Variants in TAFA2 observed in about 807,000 individuals in gnomAD.
TAFA2 encodes the protein TAFA chemokine like family member 2.
A neutral mutation model predicts 18.8 loss-of-function variants in TAFA2; 7 were observed. The ratio of observed to expected loss-of-function variants is 0.37; its 90% CI spans 0.21 to 0.70. The LOEUF is 0.70. TAFA2 is among the 30% of genes least tolerant of loss of function. TAFA2 has a pLI of 0.53. For missense variants in TAFA2, 122 were observed against 158.1 expected, an observed-to-expected ratio of 0.77 and a Z score of 1.23; for synonymous variants, 60 against 54.2, an observed-to-expected ratio of 1.11 and a Z score of -0.47.
intron 4 of TAFA2, among the ~76,000 whole-genome samples, chr12:61,727,624 T>C (rs1870232596): frequency 6.6e-6 from 1 of 152,094 alleles, no homozygotes. Context: ...TGTTGGTTAA[T>C]CTTGCTAATG....
chr12:61,729,646 CTTTAAG>C (rs1267686119), intron 4 of TAFA2, among the ~76,000 whole-genome samples: 2 of 151,610 alleles, frequency 1.3e-5, no homozygotes, highest in Non-Finnish European at 2.9e-5. Flanking sequence ...TTTTAAATTT[CTTTAAG>C]TTTGTTTTCA....
At chr12:62,070,557 CT>C in intron 1 of TAFA2, 1 of 152,220 alleles carries the variant, frequency 6.6e-6, no homozygotes, top group Non-Finnish European at 1.5e-5. Context: ...GTAGTTAGGG[CT>C]ACACCTAGAG....
Position 61,998,261 on chromosome 12 carries a change from A to T in TAFA2, c.-1-130835T>A, listed in dbSNP as rs1240681067. Reference sequence around the variant, plus strand: ...GTTTCAAGTGAAGCTACAAAATTACATCTTCACAGATTTCTTAAATAAGTG... The same window carrying T: ...GTTTCAAGTGAAGCTACAAAATTACTTCTTCACAGATTTCTTAAATAAGTG... On this transcript the variant is annotated intron_variant, in intron 1 of 4. Coordinates refer to ENST00000416284, the MANE Select transcript of TAFA2 (RefSeq NM_178539.5). Among the ~76,000 whole-genome samples the T allele has an allele frequency of 2.6e-5, 4 of 152,346 alleles. No homozygotes were observed. In the South Asian group the frequency reaches 8.3e-4, roughly 32 times the overall value.
At chr12:61,967,193 C>G (rs1879097059) in intron 1 of TAFA2, among the ~76,000 whole-genome samples, 1 of 151,764 alleles carries the variant, frequency 6.6e-6, no homozygotes, top group African/African-American at 2.4e-5. Context: ...TTGTACTTTT[C>G]TGTAACCAGG....
chr12:61,955,633 ATATATATATAT>A (rs1167594343), intron 1 of TAFA2, among the ~76,000 whole-genome samples: 1 of 8,774 alleles, frequency 1.1e-4, no homozygotes, highest in East Asian at 5.2e-3. Flanking sequence ...AAAAAAAAAA[ATATATATATAT>A]ATATATATAT....
intron 1 of TAFA2, among the ~76,000 whole-genome samples, chr12:62,055,971 G>T (rs1466706710): frequency 6.6e-6 from 1 of 152,092 alleles, no homozygotes; most frequent in Non-Finnish European, 1.5e-5. Flanking sequence ...AAACTAAAAT[G>T]CAAAATTCTT....
At chr12:62,232,924 C>G (rs150656915) in intron 1 of TAFA2, among the ~76,000 whole-genome samples, 811 of 152,148 alleles carry the variant, frequency 5.3e-3, no homozygotes, top group South Asian at 0.012. Flanking sequence ...CTCCAATCAC[C>G]ACCCCACCTC....
chr12:62,110,572 C>T (rs748865338), intron 1 of TAFA2, among the ~76,000 whole-genome samples: 4 of 149,778 alleles, frequency 2.7e-5, no homozygotes, highest in Non-Finnish European at 5.9e-5. Flanking sequence ...TCCTTTTGCA[C>T]CTCTGGTAGA....
At chr12:61,805,348 C>A (rs962790346) in intron 2 of TAFA2, among the ~76,000 whole-genome samples, 1 of 152,034 alleles carries the variant, frequency 6.6e-6, no homozygotes, top group Non-Finnish European at 1.5e-5. Flanking sequence ...AGATTCTGTA[C>A]ATTACCTCAT....
At chr12:62,252,308 A>C (rs1445735272) in intron 1 of TAFA2, 1 of 152,254 alleles carries the variant, frequency 6.6e-6, no homozygotes, top group Non-Finnish European at 1.5e-5. Flanking sequence ...CCCAGTATTT[A>C]GAATGATAAA....
chr12:62,137,149 C>T (rs1870928058), intron 1 of TAFA2, among the ~76,000 whole-genome samples: 1 of 152,114 alleles, frequency 6.6e-6, no homozygotes, highest in South Asian at 2.1e-4. Context: ...CCCCTGCTAC[C>T]TCAAGGACAG....
intron 2 of TAFA2, among the ~76,000 whole-genome samples, chr12:61,847,335 C>T (rs777110720): frequency 2.0e-5 from 3 of 152,046 alleles, no homozygotes; most frequent in Non-Finnish European, 4.4e-5. Context: ...TTTTCATAGT[C>T]TCTTGGTACT....
Position 62,192,267 on chromosome 12 carries a change from G to A in TAFA2, c.-1010C>T, listed in dbSNP as rs973505769. On this transcript the variant is annotated 5_prime_UTR_variant, in exon 1 of 5. Coordinates refer to ENST00000416284, the MANE Select transcript of TAFA2 (RefSeq NM_178539.5). The stretch of plus-strand genomic sequence containing the variant: ...TCTAGGCATCGTGGGCTGGAAGGAA[G>A]GGAAACCCGCCGATGTCCCCCTGGT... 1.3e-5 allele frequency: 2 copies of A among 152,326 alleles called. No individual in the cohort carries two copies. The highest frequency in any genetic ancestry group is 1.9e-4 in the East Asian group (1 of 5,158). 9.4% of individuals were successfully genotyped at this position (152,326 alleles called of 1,614,324 possible).
intron 1 of TAFA2, among the ~76,000 whole-genome samples, chr12:61,893,512 C>G (rs1875719363): frequency 6.6e-6 from 1 of 152,062 alleles, no homozygotes; most frequent in Non-Finnish European, 1.5e-5. Flanking sequence ...GTGGAAGATT[C>G]AGGAGTGAGA....
intron 1 of TAFA2, among the ~76,000 whole-genome samples, chr12:62,083,639 T>C (rs1868357149): frequency 6.6e-6 from 1 of 152,176 alleles, no homozygotes; most frequent in East Asian, 1.9e-4. Context: ...ACAAATAAAA[T>C]TTTATTCTGC....
intron 2 of TAFA2, among the ~76,000 whole-genome samples, chr12:61,768,907 G>T (rs1376682651): frequency 1.3e-5 from 2 of 152,018 alleles, no homozygotes; most frequent in Non-Finnish European, 1.5e-5. Context: ...AAGCCTGAAA[G>T]CCCTGCCTGC....
chr12:62,212,859 C>T (rs1011900216), intron 1 of TAFA2, among the ~76,000 whole-genome samples: 1 of 152,054 alleles, frequency 6.6e-6, no homozygotes, highest in Non-Finnish European at 1.5e-5. Context: ...ATACACCTAA[C>T]CACATGAATC....
intron 2 of TAFA2, among the ~76,000 whole-genome samples, chr12:61,795,343 A>G (rs1189591943): frequency 2.6e-5 from 4 of 152,196 alleles, no homozygotes; most frequent in South Asian, 2.1e-4. Context: ...ATGTCCATCA[A>G]TGATAGACTG....
intron 1 of TAFA2, among the ~76,000 whole-genome samples, chr12:61,951,306 A>T (rs1319677591): frequency 6.6e-6 from 1 of 152,168 alleles, no homozygotes; most frequent in African/African-American, 2.4e-5. Context: ...TTTTACAGGC[A>T]AATATGTTTT....
Sources: gnomAD v4.1 joint callset for allele counts (sites outside exome capture counted in the v4.1 genomes callset) on GRCh38, gnomAD v4.1.1 for gene constraint, MANE v1.5 for transcripts, NCBI Gene and HGNC (gene_info 2026-07-23, HGNC 2026-07-21) for gene names.